The following MINK1 variants were observed in gnomAD, a reference collection of about 807,000 sequenced individuals.
MINK1 encodes misshapen like kinase 1, also known as misshapen-like kinase 1.
MINK1 carries 46 observed loss-of-function variants against 178.4 expected under a neutral mutation model. That is an observed-to-expected ratio of 0.26 (90% CI 0.20 to 0.33). The LOEUF (loss-of-function observed/expected upper bound fraction) is 0.33, where lower values mean the gene tolerates loss of function less well. Among genes scored for constraint, MINK1 ranks in the 10% least tolerant of loss-of-function variants. The pLI, the probability that MINK1 is intolerant of heterozygous loss-of-function variation, is 1.00. For synonymous variants in MINK1, 797 were observed against 709.7 expected (o/e 1.12, Z -1.96); for missense variants, 1,366 against 1,814.9 (o/e 0.75, Z 4.49).
chr17:4,869,905 T>G (rs1318499442), intron 1 of MINK1, among the ~76,000 whole-genome samples: 2 of 144,268 alleles, frequency 1.4e-5, no homozygotes, highest in Non-Finnish European at 3.0e-5. Flanking sequence ...GGCGCAATTT[T>G]TTTTCTTTCT....
rs535647308 is a variant in MINK1 at position 4,845,249 on chromosome 17, G to T, written c.57+11609G>T. ...GGATTTTAAATGAAATGGCTGTCTGGAATCACAAGAGGATTGGGCAGCAGC... is the reference window on the plus strand; with the variant it reads ...GGATTTTAAATGAAATGGCTGTCTGTAATCACAAGAGGATTGGGCAGCAGC... On this transcript the variant is annotated intron_variant, in intron 1 of 31. Transcript: ENST00000355280. 4.6e-5 allele frequency among the ~76,000 whole-genome samples: 7 copies of T among 152,258 alleles called. No individual in the cohort carries two copies. The South Asian group carries it at 1.2e-3, about 27-fold the overall frequency.
intron 2 of MINK1, 51 bp downstream of exon 2, chr17:4,878,433 G>A: frequency 6.7e-7 from 1 of 1,483,568 alleles, no homozygotes; most frequent in Non-Finnish European, 9.1e-7. Flanking sequence ...GGGCAGTCTT[G>A]GGAGGAGTGG....
chr17:4,893,755 G>T, intron 21 of MINK1, 158 bp downstream of exon 21: 2 of 1,159,626 alleles, frequency 1.7e-6, no homozygotes, highest in Non-Finnish European at 2.4e-6. Flanking sequence ...CTCTCCCGCT[G>T]CCCTGTGTGT....
intron 1 of MINK1, among the ~76,000 whole-genome samples, chr17:4,852,905 G>T (rs1597404793): frequency 2.7e-4 from 2 of 7,348 alleles, no homozygotes; most frequent in African/African-American, 1.4e-3. Flanking sequence ...AGTGTGGTTG[G>T]TGGGGGAGTG....
In MINK1 at chr17:4,889,337, C is replaced by T. The variant is rs138136971; in HGVS notation, c.1231-310C>T. Among the ~76,000 whole-genome samples the T allele has an allele frequency of 5.3e-3, 808 of 152,188 alleles. 9 individuals carry two copies. Among genetic ancestry groups the T allele is most frequent in the African/African-American group, 0.018 (764 of 41,528 alleles). On this transcript the variant is annotated intron_variant, in intron 12 of 31. Coordinates refer to ENST00000355280, the MANE Select transcript of MINK1 (RefSeq NM_153827.5). Reference sequence around the variant, plus strand: ...TTTTAGGCTAGGAGTGCTGGGGAGGCTTGTTTTGAGTTCGGCTTTGGTTTG... The same window carrying T: ...TTTTAGGCTAGGAGTGCTGGGGAGGTTTGTTTTGAGTTCGGCTTTGGTTTG...
In MINK1 at chr17:4,896,654, C is replaced by A; in HGVS notation, c.3776-20C>A. ...GGCCCCGGGGTGCAGCCTGCTCAGC[C>A]CCTCACCTGTTCCCCACAGCCTACA... On this transcript the variant is annotated intron_variant, in intron 30 of 31. Transcript: ENST00000355280. The surrounding 1 kb of genome is among the most constrained non-coding windows in gnomAD (Gnocchi z 4.6). 1 of 1,605,502 alleles carries A rather than the reference C, an allele frequency of 6.2e-7. No homozygotes were observed. Among genetic ancestry groups the A allele is most frequent in the Non-Finnish European group, 8.5e-7 (1 of 1,174,838 alleles).
chr17:4,894,465 A>T lies in MINK1; in HGVS notation c.2809-60A>T. ...GAGCTGGAGCCTGGGGAACAGCAGC[A>T]GGGGCAGGGCCGCAGCTGGACTTGC... is the stretch of plus-strand genomic sequence containing the variant. On this transcript the variant is annotated intron_variant, in intron 23 of 31. Coordinates refer to ENST00000355280, the MANE Select transcript of MINK1 (RefSeq NM_153827.5). The surrounding 1 kb of genome is among the most constrained non-coding windows in gnomAD (Gnocchi z 4.1). 1.3e-6 allele frequency: 2 copies of T among 1,513,242 alleles called. No homozygotes were observed. Among genetic ancestry groups the T allele is most frequent in the East Asian group, 4.9e-5 (2 of 41,032 alleles). The allele number at this position is 1,513,242 out of a possible 1,614,324, so 93.7% of individuals were successfully genotyped here.
chr17:4,889,940 C>T, intron 13 of MINK1, 177 bp downstream of exon 13: 3 of 602,414 alleles, frequency 5.0e-6, no homozygotes, highest in Non-Finnish European at 8.8e-6. Flanking sequence ...TGACCCCCTC[C>T]CTCTTCCTTC....
rs138761676 is a variant in MINK1 at position 4,846,794 on chromosome 17, C to G, written c.57+13154C>G. Among the ~76,000 whole-genome samples the G allele has an allele frequency of 4.6e-3, 700 of 152,232 alleles. 6 individuals carry two copies. Among genetic ancestry groups the G allele is most frequent in the African/African-American group, 0.016 (668 of 41,532 alleles). ...CAAGTGATCCTCCCACCTCTGCCCC[C>G]CAAAGTGCTAGGATGACAAGTGTGA... On this transcript the variant is annotated intron_variant, in intron 1 of 31. Transcript: ENST00000355280.
intron 2 of MINK1, 116 bp from the exon 3 acceptor site, chr17:4,880,868 C>G: frequency 9.6e-7 from 1 of 1,044,316 alleles, no homozygotes; most frequent in Non-Finnish European, 1.3e-6. Flanking sequence ...CCACTGCACT[C>G]TAGTCTGGGC....
At chr17:4,844,477 C>T (rs542090880) in intron 1 of MINK1, 1 of 459,612 alleles carries the variant, frequency 2.2e-6, no homozygotes, top group East Asian at 6.9e-5. Context: ...AGTTACTGCC[C>T]TCCAGGAGCA....
intron 19 of MINK1, 65 bp from the exon 20 acceptor site, chr17:4,892,914 A>T: frequency 6.9e-7 from 1 of 1,450,102 alleles, no homozygotes; most frequent in Non-Finnish European, 9.5e-7. Flanking sequence ...TCTGGGGCTC[A>T]GGGTGTGGGC....
intron 15 of MINK1, 132 bp from the exon 16 acceptor site, chr17:4,891,324 C>T (rs1448373370): frequency 6.1e-6 from 8 of 1,317,578 alleles, no homozygotes; most frequent in Non-Finnish European, 6.1e-6. Context: ...TAGCTGTCAT[C>T]AGGCTCAAGG....
At position 4,841,105 on chromosome 17, in the gene MINK1, C is replaced by T. The variant is rs376994685; in HGVS notation, c.57+7465C>T. Among the ~76,000 whole-genome samples, 6 of 152,158 alleles carry T rather than the reference C, an allele frequency of 3.9e-5. No individual in the cohort carries two copies. The East Asian group carries it at 5.8e-4, about 15-fold the overall frequency. On this transcript the variant is annotated intron_variant, in intron 1 of 31. Transcript: ENST00000355280. ...TTCCAGGGCCACACGGGACAGGCGA[C>T]GTGGGGAGTGTCTGTGGTCACAACT...
intron 1 of MINK1, among the ~76,000 whole-genome samples, chr17:4,838,767 A>G (rs1388302312): frequency 6.6e-6 from 1 of 152,168 alleles, no homozygotes; most frequent in African/African-American, 2.4e-5. Flanking sequence ...AGAGAAAGTT[A>G]TCAATAATCC....
Position 4,880,935 on chromosome 17 carries a change from C to G in MINK1, c.124-49C>G, listed in dbSNP as rs960725521. On this transcript the variant is annotated intron_variant, in intron 2 of 31. Transcript: ENST00000355280. ...GCTGTGTCTCCTAGAGTCAAGCCCT[C>G]TCTACGCTCCACCCTCTGAGCATAG... is the stretch of plus-strand genomic sequence containing the variant. The G allele has an allele frequency of 4.2e-6, 6 of 1,438,210 alleles. No individual in the cohort carries two copies. In the African/African-American group the frequency reaches 8.6e-5, roughly 21 times the overall value. The allele number at this position is 1,438,210 out of a possible 1,614,324, so 89.1% of individuals were successfully genotyped here.
In MINK1 at chr17:4,894,825, A is replaced by T. The variant is rs1969275400; in HGVS notation, c.2917+192A>T. On this transcript the variant is annotated intron_variant, in intron 24 of 31. Transcript: ENST00000355280. The surrounding 1 kb of genome is among the most constrained non-coding windows in gnomAD (Gnocchi z 4.1). ...TCCTTCCTGTCCCACAGGACAGGAA[A>T]TGCTCAGAGTTGCCAGGGGACCTGG... 3.1e-6 allele frequency: 2 copies of T among 635,838 alleles called. No individual in the cohort carries two copies. Among genetic ancestry groups the T allele is most frequent in the South Asian group, 2.0e-5 (1 of 51,118 alleles). 39.4% of individuals were successfully genotyped at this position (635,838 alleles called of 1,614,324 possible).
chr17:4,890,842 G>T (rs1968714515), intron 14 of MINK1, 107 bp downstream of exon 14: 3 of 1,516,970 alleles, frequency 2.0e-6, no homozygotes, highest in Non-Finnish European at 2.7e-6. Flanking sequence ...TAGGGGAAAG[G>T]AGCACACAGC....
At position 4,896,895 on chromosome 17, in the gene MINK1, A is replaced by G. The variant is rs1050172114; in HGVS notation, c.3915+82A>G. ...CCCTGGGCAGAGTTCTGGGGAGAGG[A>G]TGGTGGTGGTGGCTTCCTGAAAGCG... On this transcript the variant is annotated intron_variant, in intron 31 of 31. Transcript: ENST00000355280. The surrounding 1 kb of genome is among the most constrained non-coding windows in gnomAD (Gnocchi z 4.6). The G allele has an allele frequency of 9.5e-6, 14 of 1,478,354 alleles. No individual in the cohort carries two copies. Among genetic ancestry groups the G allele is most frequent in the East Asian group, 4.7e-5 (2 of 42,136 alleles). 91.6% of individuals were successfully genotyped at this position (1,478,354 alleles called of 1,614,324 possible).
Sources: gnomAD v4.1 joint callset for allele counts (sites outside exome capture counted in the v4.1 genomes callset) on GRCh38, gnomAD v4.1.1 for gene constraint, Gnocchi (gnomAD v3.1) non-coding constraint, MANE v1.5 for transcripts, NCBI Gene and HGNC (gene_info 2026-07-23, HGNC 2026-07-21) for gene names.